Variants in DYNLL2 observed in about 807,000 individuals in gnomAD.
DYNLL2 encodes the protein dynein light chain 2, cytoplasmic.
A neutral mutation model predicts 9.7 loss-of-function variants in DYNLL2; 1 was observed. The observed-to-expected ratio is 0.10, with a 90% CI of 0.04 to 0.49. The LOEUF is 0.49. Ranked by LOEUF, DYNLL2 falls within the 20% of genes least tolerant of loss-of-function variation. The pLI is 0.95. For synonymous variants in DYNLL2, 35 were observed against 40.5 expected (o/e 0.86, Z 0.52); for missense variants, 37 against 115.2 (o/e 0.32, Z 3.11).
rs2075789279 is a variant in DYNLL2 at position 58,093,964 on chromosome 17, T to G, written c.*4685T>G. 1 of 152,232 alleles carries G rather than the reference T, an allele frequency of 6.6e-6. No homozygotes were observed. The highest frequency in any genetic ancestry group is 1.5e-5 in the Non-Finnish European group (1 of 68,046). The allele number at this position is 152,232 out of a possible 1,614,324, so 9.4% of individuals were successfully genotyped here. On this transcript the variant is annotated 3_prime_UTR_variant, in exon 3 of 3. Transcript: ENST00000579991. The stretch of plus-strand genomic sequence containing the variant: ...AATACTCCTACCCACAGACTGCTAC[T>G]GTGCCAATATAGAGGTTCATAAGAA...
Position 58,089,450 on chromosome 17 carries a change from C to A in DYNLL2, c.*171C>A, listed in dbSNP as rs953198842. 2 of 788,150 alleles carry A rather than the reference C, an allele frequency of 2.5e-6. No homozygotes were observed. Among genetic ancestry groups the A allele is most frequent in the Non-Finnish European group, 1.8e-6 (1 of 540,578 alleles). The allele number at this position is 788,150 out of a possible 1,614,324, so 48.8% of individuals were successfully genotyped here. A position where few individuals can be genotyped will look rare whatever the true frequency, so the allele number is the denominator to read the frequency against. On this transcript the variant is annotated 3_prime_UTR_variant, in exon 3 of 3. Transcript: ENST00000579991. ...TGTCGCAGTAAACAAAACCAAACCTCTTTCTGTTTAGTTGCCTGGGGGAAG... is the reference window on the plus strand; with the variant it reads ...TGTCGCAGTAAACAAAACCAAACCTATTTCTGTTTAGTTGCCTGGGGGAAG...
intron 2 of DYNLL2, among the ~76,000 whole-genome samples, chr17:58,088,607 A>G (rs1394851860): frequency 6.6e-6 from 1 of 152,184 alleles, no homozygotes; most frequent in African/African-American, 2.4e-5. Flanking sequence ...CACACAGTGC[A>G]TGGCACACGG....
At chr17:58,084,153 C>G (rs892218032) in intron 1 of DYNLL2, among the ~76,000 whole-genome samples, 1 of 151,734 alleles carries the variant, frequency 6.6e-6, no homozygotes, top group Admixed American at 6.6e-5. Context: ...GGGCGGCCGA[C>G]CGGCCGGGGC....
Position 58,092,179 on chromosome 17 carries a change from ACT to A in DYNLL2, c.*2903_*2904del, listed in dbSNP as rs2075782575. The A allele has an allele frequency of 6.6e-6, 1 of 151,968 alleles. No individual in the cohort carries two copies. The highest frequency in any genetic ancestry group is 1.5e-5 in the Non-Finnish European group (1 of 68,008). 9.4% of individuals were successfully genotyped at this position (151,968 alleles called of 1,614,324 possible). On this transcript the variant is annotated 3_prime_UTR_variant, in exon 3 of 3. Coordinates refer to ENST00000579991, the MANE Select transcript of DYNLL2 (RefSeq NM_080677.3). Reference sequence around the variant, plus strand: ...AGGTCCTAAGGGATTAAGTTGAGAGACTCTAGAGCCCCAACTTCTGTTACTGC... The same window carrying A: ...AGGTCCTAAGGGATTAAGTTGAGAGACTAGAGCCCCAACTTCTGTTACTGC...
At chr17:58,089,003 A>T (rs1468362258) in intron 2 of DYNLL2, 139 bp from the exon 3 acceptor site, 11 of 1,002,750 alleles carry the variant, frequency 1.1e-5, no homozygotes, top group Non-Finnish European at 1.5e-5. Flanking sequence ...AGGTTCGGGG[A>T]GCTGAGGCTG....
rs2075792255 is a variant in DYNLL2 at position 58,094,757 on chromosome 17, C to G, written c.*5478C>G. On this transcript the variant is annotated 3_prime_UTR_variant, in exon 3 of 3. Transcript: ENST00000579991. ...GAAATCATGTACCCATTTGCAGTCA[C>G]TTGCCATTCCCTCTTCTCCCCAGCC... 6.6e-6 allele frequency: 1 copy of G among 152,242 alleles called. No individual in the cohort carries two copies. Among genetic ancestry groups the G allele is most frequent in the African/African-American group, 2.4e-5 (1 of 41,458 alleles). 9.4% of individuals were successfully genotyped at this position (152,242 alleles called of 1,614,324 possible).
Position 58,089,246 on chromosome 17 carries a change from T to G in DYNLL2, c.237T>G (p.Gly79=), listed in dbSNP as rs2075771381. The change falls in exon 3 of 3, where the codon GGT becomes GGG. Residue 79 remains glycine (G), a synonymous_variant. Coordinates refer to ENST00000579991, the MANE Select transcript of DYNLL2 (RefSeq NM_080677.3). Reference sequence around the variant, plus strand: ...AGCACTTCATCTATTTTTACTTGGGTCAAGTTGCAATCCTCCTCTTCAAGT... The same window carrying G: ...AGCACTTCATCTATTTTTACTTGGGGCAAGTTGCAATCCTCCTCTTCAAGT... ...ETKHFIYFYL[G]QVAILLFKSG 1 of 1,613,912 alleles carries G rather than the reference T, an allele frequency of 6.2e-7. No individual in the cohort carries two copies. Among genetic ancestry groups the G allele is most frequent in the Admixed American group, 1.7e-5 (1 of 59,990 alleles).
Position 58,090,214 on chromosome 17 carries a change from C to T in DYNLL2, c.*935C>T, listed in dbSNP as rs188651450. 3.4e-6 allele frequency: 1 copy of T among 297,534 alleles called. No individual in the cohort carries two copies. Among genetic ancestry groups the T allele is most frequent in the Non-Finnish European group, 6.1e-6 (1 of 162,994 alleles). The allele number at this position is 297,534 out of a possible 1,614,324, so 18.4% of individuals were successfully genotyped here. A position where few individuals can be genotyped will look rare whatever the true frequency, so the allele number is the denominator to read the frequency against. ...CAAATTGATGTCTCCCTTGACTCTT[C>T]TGTGTATATGTGTGAATATGTGTGT... On this transcript the variant is annotated 3_prime_UTR_variant, in exon 3 of 3. Coordinates refer to ENST00000579991, the MANE Select transcript of DYNLL2 (RefSeq NM_080677.3).
rs2075786142 is a variant in DYNLL2, at chr17:58,093,078, C to G, written c.*3799C>G. 6.6e-6 allele frequency: 1 copy of G among 152,312 alleles called. No homozygotes were observed. Among genetic ancestry groups the G allele is most frequent in the Admixed American group, 6.5e-5 (1 of 15,304 alleles). 9.4% of individuals were successfully genotyped at this position (152,312 alleles called of 1,614,324 possible). On this transcript the variant is annotated 3_prime_UTR_variant, in exon 3 of 3. Transcript: ENST00000579991. ...TGTGAGAGCATTTTTCTCTTAACTG[C>G]TTATCTTCAAGTAAACAGAACAGTG...
In DYNLL2 at chr17:58,089,408, A is replaced by G. The variant is rs1245852452; in HGVS notation, c.*129A>G. 2.4e-6 allele frequency: 3 copies of G among 1,234,052 alleles called. No individual in the cohort carries two copies. The highest frequency in any genetic ancestry group is 1.5e-5 in the African/African-American group (1 of 65,576). 76.4% of individuals were successfully genotyped at this position (1,234,052 alleles called of 1,614,324 possible). On this transcript the variant is annotated 3_prime_UTR_variant, in exon 3 of 3. Coordinates refer to ENST00000579991, the MANE Select transcript of DYNLL2 (RefSeq NM_080677.3). ...GGCTGTGCTACTGCATGGACTGTAT[A>G]CTCGATTTCATGTGTATGTCGCAGT...
At chr17:58,086,957 A>G (rs2075762184) in intron 1 of DYNLL2, 125 bp from the exon 2 acceptor site, 2 of 1,166,264 alleles carry the variant, frequency 1.7e-6, no homozygotes, top group South Asian at 1.5e-5. Context: ...AATGCTTCAC[A>G]TCCGTGTTTT....
chr17:58,094,267 CAA>C lies in DYNLL2; in HGVS notation c.*4989_*4990del, dbSNP rs1231175898. ...GATTTCTTCATCTGTAAGATGGAAA[CAA>C]TATGTGTCTTTTCTAAGGGGAAAGA... On this transcript the variant is annotated 3_prime_UTR_variant, in exon 3 of 3. Coordinates refer to ENST00000579991, the MANE Select transcript of DYNLL2 (RefSeq NM_080677.3). 1 of 152,100 alleles carries C rather than the reference CAA, an allele frequency of 6.6e-6. No individual in the cohort carries two copies. Among genetic ancestry groups the C allele is most frequent in the East Asian group, 1.9e-4 (1 of 5,196 alleles). 9.4% of individuals were successfully genotyped at this position (152,100 alleles called of 1,614,324 possible). A position where few individuals can be genotyped will look rare whatever the true frequency, so the allele number is the denominator to read the frequency against.
At position 58,091,854 on chromosome 17, in the gene DYNLL2, C is replaced by A. The variant is rs1354976225; in HGVS notation, c.*2575C>A. 1 of 152,160 alleles carries A rather than the reference C, an allele frequency of 6.6e-6. No homozygotes were observed. The highest frequency in any genetic ancestry group is 1.5e-5 in the Non-Finnish European group (1 of 68,034). 9.4% of individuals were successfully genotyped at this position (152,160 alleles called of 1,614,324 possible). A position where few individuals can be genotyped will look rare whatever the true frequency, so the allele number is the denominator to read the frequency against. ...GTTAGGGAGCCAGAGGTGCTTTGCC[C>A]TCTTTGTGTTACTATTTCTTTACTC... is the stretch of plus-strand genomic sequence containing the variant. On this transcript the variant is annotated 3_prime_UTR_variant, in exon 3 of 3. Transcript: ENST00000579991.
chr17:58,085,753 T>C (rs1301375749), intron 1 of DYNLL2, among the ~76,000 whole-genome samples: 2 of 152,216 alleles, frequency 1.3e-5, no homozygotes, highest in Non-Finnish European at 2.9e-5. Flanking sequence ...TTAAAATCTT[T>C]ACCTTTCTTA....
chr17:58,084,443 G>C (rs781254660), intron 1 of DYNLL2, among the ~76,000 whole-genome samples: 1 of 152,164 alleles, frequency 6.6e-6, no homozygotes, highest in Non-Finnish European at 1.5e-5. Context: ...CTTTTCACAG[G>C]AGCCTTGGCT....
intron 2 of DYNLL2, among the ~76,000 whole-genome samples, chr17:58,088,469 G>A (rs1010879847): frequency 1.3e-5 from 2 of 152,208 alleles, no homozygotes; most frequent in Admixed American, 1.3e-4. Flanking sequence ...GAGTCTGCAG[G>A]CTGAGCCACA....
Position 58,092,447 on chromosome 17 carries a change from G to A in DYNLL2, c.*3168G>A, listed in dbSNP as rs944397233. 4 of 152,228 alleles carry A rather than the reference G, an allele frequency of 2.6e-5. No homozygotes were observed. Among genetic ancestry groups the A allele is most frequent in the African/African-American group, 7.2e-5 (3 of 41,448 alleles). 9.4% of individuals were successfully genotyped at this position (152,228 alleles called of 1,614,324 possible). ...TGGAGGAGATGAGCCTCCACTTTTC[G>A]GGGCCCAGGATGGGAAAGTATGTGA... On this transcript the variant is annotated 3_prime_UTR_variant, in exon 3 of 3. Coordinates refer to ENST00000579991, the MANE Select transcript of DYNLL2 (RefSeq NM_080677.3).
intron 1 of DYNLL2, among the ~76,000 whole-genome samples, chr17:58,085,951 A>G (rs1162281901): frequency 1.3e-5 from 2 of 152,244 alleles, no homozygotes; most frequent in East Asian, 1.9e-4. Context: ...GCAACGCACC[A>G]AAGAGATGAG....
chr17:58,089,036 C>A (rs896581964), intron 2 of DYNLL2, 106 bp from the exon 3 acceptor site: 11 of 1,443,006 alleles, frequency 7.6e-6, no homozygotes, highest in Non-Finnish European at 8.7e-6. Context: ...GGGGTGATAA[C>A]AACCAAACGT....
Sources: allele counts gnomAD v4.1 joint callset (sites outside exome capture counted in the v4.1 genomes callset), GRCh38; gene constraint gnomAD v4.1.1; transcripts MANE v1.5; gene names NCBI Gene and HGNC (gene_info 2026-07-23, HGNC 2026-07-21).